NECTIN2: variants seen among roughly 807,000 people sequenced by gnomAD.
The protein encoded by NECTIN2 is nectin cell adhesion molecule 2.
In NECTIN2, 23 loss-of-function variants were observed where a neutral mutation model predicts 56.9. That is an observed-to-expected ratio of 0.40 (90% CI 0.29 to 0.57). The LOEUF (loss-of-function observed/expected upper bound fraction) is 0.57, where lower values mean the gene tolerates loss of function less well. Among genes scored for constraint, NECTIN2 ranks in the 20% least tolerant of loss-of-function variants. NECTIN2 has a pLI of 0.38. For synonymous variants in NECTIN2, 302 were observed against 313.8 expected, an observed-to-expected ratio of 0.96 and a Z score of 0.40; for missense variants, 587 against 718.3, an observed-to-expected ratio of 0.82 and a Z score of 2.09.
chr19:44,854,829 A>G (rs1324326971), intron 1 of NECTIN2, among the ~76,000 whole-genome samples: 5 of 151,394 alleles, frequency 3.3e-5, no homozygotes, highest in African/African-American at 9.7e-5. Context: ...AATTTTTTTA[A>G]AAAGAACTCT....
chr19:44,859,524 T>A (rs1160014374), intron 1 of NECTIN2, among the ~76,000 whole-genome samples: 3 of 152,046 alleles, frequency 2.0e-5, no homozygotes, highest in Admixed American at 6.6e-5. Flanking sequence ...TTGTTTATAT[T>A]AAAAGTGAGA....
At chr19:44,855,175 C>T (rs1261126458) in intron 1 of NECTIN2, among the ~76,000 whole-genome samples, 1 of 148,900 alleles carries the variant, frequency 6.7e-6, no homozygotes, top group Non-Finnish European at 1.5e-5. Flanking sequence ...CCTGTAATCT[C>T]AGCACTTTGG....
chr19:44,888,468 C>T lies in NECTIN2; in HGVS notation c.*89C>T. 1 of 1,386,892 alleles carries T rather than the reference C, an allele frequency of 7.2e-7. No individual in the cohort carries two copies. Among genetic ancestry groups the T allele is most frequent in the Non-Finnish European group, 9.9e-7 (1 of 1,013,436 alleles). 85.9% of individuals were successfully genotyped at this position (1,386,892 alleles called of 1,614,324 possible). ...TAGTGCCCCCTGACCTCTGGCCAGG[C>T]CACTGTCAGTTAACACATATGCATT... On this transcript the variant is annotated 3_prime_UTR_variant, in exon 9 of 9. Transcript: ENST00000252483.
Position 44,888,492 on chromosome 19 carries a change from T to A in NECTIN2, c.*113T>A. ...GCCACTGTCAGTTAACACATATGCATTCCATTTGTGATGTCTACCTTGGTG... is the reference window on the plus strand; with the variant it reads ...GCCACTGTCAGTTAACACATATGCAATCCATTTGTGATGTCTACCTTGGTG... On this transcript the variant is annotated 3_prime_UTR_variant, in exon 9 of 9. Transcript: ENST00000252483. The A allele has an allele frequency of 2.6e-6, 3 of 1,166,114 alleles. No individual in the cohort carries two copies. The highest frequency in any genetic ancestry group is 3.1e-5 in the African/African-American group (2 of 64,746). 72.2% of individuals were successfully genotyped at this position (1,166,114 alleles called of 1,614,324 possible).
Position 44,875,035 on chromosome 19 carries a change from G to A in NECTIN2, c.1042+557G>A, listed in dbSNP as rs1367407398. The stretch of plus-strand genomic sequence containing the variant: ...TGGGACAGAGAGACCCCTGGGTCCT[G>A]GAGATAGGGCCAGAGACCCCTCCTG... On this transcript the variant is annotated intron_variant, in intron 5 of 8. Transcript: ENST00000252483. This position sits in a 1 kb window ranked among gnomAD's most constrained non-coding sequence, Gnocchi z 4.2. Among the ~76,000 whole-genome samples, 1 of 152,176 alleles carries A rather than the reference G, an allele frequency of 6.6e-6. No individual in the cohort carries two copies. Among genetic ancestry groups the A allele is most frequent in the Non-Finnish European group, 1.5e-5 (1 of 68,028 alleles).
intron 6 of NECTIN2, among the ~76,000 whole-genome samples, chr19:44,883,665 A>G (rs1309783968): frequency 6.6e-6 from 1 of 152,188 alleles, no homozygotes; most frequent in Non-Finnish European, 1.5e-5. Flanking sequence ...CTAAAAAAAT[A>G]AAACAAACAA....
intron 2 of NECTIN2, among the ~76,000 whole-genome samples, chr19:44,870,485 A>G (rs1313663787): frequency 6.6e-6 from 1 of 152,164 alleles, no homozygotes; most frequent in Non-Finnish European, 1.5e-5. Context: ...ACACATCATA[A>G]GCATGAGCTG....
intron 3 of NECTIN2, among the ~76,000 whole-genome samples, chr19:44,872,431 A>T (rs1414401398): frequency 6.6e-6 from 1 of 151,838 alleles, no homozygotes; most frequent in East Asian, 1.9e-4. Flanking sequence ...TTCCAATTCC[A>T]CATCCAATGA....
intron 3 of NECTIN2, among the ~76,000 whole-genome samples, chr19:44,872,865 T>G (rs1969193560): frequency 6.8e-6 from 1 of 147,732 alleles, no homozygotes; most frequent in Non-Finnish European, 1.5e-5. Flanking sequence ...ATATTATATA[T>G]TAACATATAT....
In NECTIN2 at chr19:44,872,159, TC is replaced by T. The variant is rs764622522; in HGVS notation, c.775+11del. On this transcript the variant is annotated intron_variant, in intron 3 of 8. Transcript: ENST00000252483. Reference sequence around the variant, plus strand: ...ACCCTCTCTGTACGCTGTGAGTGTATCGGGGGTGACCCCTCCCCCATCAAAA... The same window carrying T: ...ACCCTCTCTGTACGCTGTGAGTGTATGGGGGTGACCCCTCCCCCATCAAAA... The T allele has an allele frequency of 7.8e-5, 126 of 1,608,444 alleles. No homozygotes were observed. The African/African-American group carries it at 1.5e-3, about 20-fold the overall frequency.
At chr19:44,882,465 T>C in intron 6 of NECTIN2, 101 bp downstream of exon 6, 1 of 1,146,450 alleles carries the variant, frequency 8.7e-7, no homozygotes, top group Non-Finnish European at 1.1e-6. Context: ...AATGGCTGTG[T>C]GAAACAGACA....
intron 2 of NECTIN2, among the ~76,000 whole-genome samples, chr19:44,867,134 T>C (rs1969110399): frequency 6.6e-6 from 1 of 151,968 alleles, no homozygotes; most frequent in African/African-American, 2.4e-5. Context: ...TTCTCCTGCC[T>C]CAGCCTCCCA....
chr19:44,857,326 C>T (rs181511565), intron 1 of NECTIN2, among the ~76,000 whole-genome samples: 11 of 149,316 alleles, frequency 7.4e-5, no homozygotes, highest in Admixed American at 6.1e-4. Flanking sequence ...GTCAGTTTCT[C>T]GGGCTCCTGG....
chr19:44,879,079 G>C (rs1057199486), intron 5 of NECTIN2: 11 of 289,736 alleles, frequency 3.8e-5, no homozygotes, highest in Non-Finnish European at 5.8e-5. Context: ...GGTTAGACTG[G>C]GGAAGGCTGT....
intron 6 of NECTIN2, among the ~76,000 whole-genome samples, chr19:44,885,582 G>T (rs985873899): frequency 6.6e-6 from 1 of 152,172 alleles, no homozygotes; most frequent in Non-Finnish European, 1.5e-5. Flanking sequence ...AAAGTGCTGG[G>T]ATTACAGGCG....
intron 1 of NECTIN2, among the ~76,000 whole-genome samples, chr19:44,862,436 AAAG>A (rs1465647557): frequency 6.6e-6 from 1 of 150,696 alleles, no homozygotes; most frequent in Admixed American, 6.7e-5. Context: ...AGAAAAGAAA[AAAG>A]AAACCTGCAC....
At chr19:44,852,874 G>A (rs1214239034) in intron 1 of NECTIN2, among the ~76,000 whole-genome samples, 4 of 152,168 alleles carry the variant, frequency 2.6e-5, no homozygotes, top group Non-Finnish European at 5.9e-5. Context: ...GGAGGCCAAG[G>A]CAAGAGGATC....
intron 7 of NECTIN2, 25 bp downstream of exon 7, chr19:44,886,025 G>A (rs1969357053): frequency 6.3e-7 from 1 of 1,588,534 alleles, no homozygotes; most frequent in African/African-American, 1.3e-5. Flanking sequence ...TGGAGCCCAA[G>A]CTATCCCCAC....
Position 44,885,314 on chromosome 19 carries a change from T to C in NECTIN2, c.1197-623T>C, listed in dbSNP as rs1331749858. ...CCTGGCTGATCTTTCTTTCTTTTTT[T>C]TTTTTTTTTTTTTTTAATTTGAGAT... On this transcript the variant is annotated intron_variant, in intron 6 of 8. Transcript: ENST00000252483. Among the ~76,000 whole-genome samples, 127 of 141,886 alleles carry C rather than the reference T, an allele frequency of 9.0e-4. 2 individuals carry two copies. The highest frequency in any genetic ancestry group is 3.3e-3 in the East Asian group (16 of 4,842). The allele number at this position is 141,886 out of a possible 152,430, so 93.1% of individuals were successfully genotyped here.
Sources: allele counts gnomAD v4.1 joint callset (sites outside exome capture counted in the v4.1 genomes callset), GRCh38; gene constraint gnomAD v4.1.1; non-coding constraint Gnocchi (gnomAD v3.1); transcripts MANE v1.5; gene names NCBI Gene and HGNC (gene_info 2026-07-23, HGNC 2026-07-21).